The following DZIP3 variants were observed in gnomAD, a reference collection of about 807,000 sequenced individuals.
DZIP3 encodes the protein DAZ interacting zinc finger protein 3.
A neutral mutation model predicts 162.0 loss-of-function variants in DZIP3; 118 were observed. The ratio of observed to expected loss-of-function variants is 0.73; its 90% CI spans 0.63 to 0.85. The LOEUF is 0.85. Ranked by LOEUF, DZIP3 falls within the 40% of genes least tolerant of loss-of-function variation. The pLI is 0.00. For missense variants in DZIP3, 1,331 were observed against 1,407.0 expected, an observed-to-expected ratio of 0.95 and a Z score of 0.86; for synonymous variants, 438 against 458.6, an observed-to-expected ratio of 0.96 and a Z score of 0.57.
chr3:108,673,697 A>G (rs1369829586), intron 23 of DZIP3, among the ~76,000 whole-genome samples: 1 of 151,974 alleles, frequency 6.6e-6, no homozygotes, highest in Non-Finnish European at 1.5e-5. Context: ...AGTGTTCTCA[A>G]ACTTTACTGC....
At chr3:108,659,320 A>C (rs568425543) in intron 19 of DZIP3, among the ~76,000 whole-genome samples, 115 of 152,334 alleles carry the variant, frequency 7.5e-4, no homozygotes, top group African/African-American at 2.6e-3. Flanking sequence ...CATCACTGGG[A>C]TGCAAGGCTG....
At chr3:108,612,306 A>T (rs528243687) in intron 4 of DZIP3, among the ~76,000 whole-genome samples, 1 of 152,324 alleles carries the variant, frequency 6.6e-6, no homozygotes, top group Admixed American at 6.5e-5. Context: ...TATTATGATT[A>T]AAAATTCCAA....
At chr3:108,629,818 T>A (rs1258585558) in intron 8 of DZIP3, among the ~76,000 whole-genome samples, 1 of 151,212 alleles carries the variant, frequency 6.6e-6, no homozygotes, top group Non-Finnish European at 1.5e-5. Context: ...TATATATATA[T>A]AAATATATAG....
At position 108,677,576 on chromosome 3, in the gene DZIP3, C is replaced by T. The variant is rs1218705549; in HGVS notation, c.2861C>T (p.Pro954Leu). Residue 954 changes from proline to leucine, a missense_variant, in exon 26 of 33, where the codon CCA (proline) becomes CTA (leucine). By Grantham distance (98) the Pro-to-Leu change is moderately conservative. Around this residue, in one of 2 missense-constraint regions of DZIP3, gnomAD observed 1,278 missense variants for 1,317.1 expected, o/e 0.97. Coordinates refer to ENST00000361582, the MANE Select transcript of DZIP3 (RefSeq NM_014648.4). ...STLPPVQLPP[P>L]PPSPEILMQQ... Reference sequence around the variant, plus strand: ...TTGCCTCCAGTCCAGCTTCCTCCTCCACCACCCAGTCCTGAGATACTGGTA... The same window carrying T: ...TTGCCTCCAGTCCAGCTTCCTCCTCTACCACCCAGTCCTGAGATACTGGTA... The T allele has an allele frequency of 1.2e-6, 2 of 1,612,478 alleles. No homozygotes were observed. The highest frequency in any genetic ancestry group is 2.2e-5 in the East Asian group (1 of 44,824).
At chr3:108,600,451 A>T (rs1326490926) in intron 1 of DZIP3, among the ~76,000 whole-genome samples, 6 of 152,174 alleles carry the variant, frequency 3.9e-5, no homozygotes, top group Admixed American at 3.9e-4. Flanking sequence ...TTAAAGACTA[A>T]AGTAGATGTA....
chr3:108,611,477 T>C (rs935141176), intron 4 of DZIP3, 148 bp downstream of exon 4: 1 of 957,238 alleles, frequency 1.0e-6, no homozygotes, highest in Non-Finnish European at 1.5e-6. Context: ...GTTGTCAACC[T>C]TGACTGTAGA....
At chr3:108,687,479 A>C (rs1436101677) in intron 28 of DZIP3, among the ~76,000 whole-genome samples, 1 of 152,132 alleles carries the variant, frequency 6.6e-6, no homozygotes, top group Non-Finnish European at 1.5e-5. Context: ...TTATATAATT[A>C]ATGTGATTTT....
chr3:108,628,007 T>C (rs893965916), intron 7 of DZIP3, among the ~76,000 whole-genome samples: 5 of 152,130 alleles, frequency 3.3e-5, no homozygotes, highest in African/African-American at 1.2e-4. Context: ...GCCTCCCAAG[T>C]AGCTGGGATT....
At chr3:108,597,816 T>G (rs1017240172) in intron 1 of DZIP3, among the ~76,000 whole-genome samples, 1 of 152,250 alleles carries the variant, frequency 6.6e-6, no homozygotes, top group Non-Finnish European at 1.5e-5. Flanking sequence ...TATGCCTGCA[T>G]ATAATTTATA....
intron 5 of DZIP3, among the ~76,000 whole-genome samples, chr3:108,620,633 T>A (rs1246797326): frequency 6.6e-6 from 1 of 152,214 alleles, no homozygotes; most frequent in Non-Finnish European, 1.5e-5. Context: ...TCTCTCCCTC[T>A]ACAATTCACT....
intron 8 of DZIP3, among the ~76,000 whole-genome samples, chr3:108,631,845 G>GT (rs1179946083): frequency 6.6e-6 from 1 of 151,302 alleles, no homozygotes; most frequent in African/African-American, 2.4e-5. Flanking sequence ...CTGAACTTGT[G>GT]TTTTTTGCTT....
At chr3:108,590,699 A>C (rs573882294) in intron 1 of DZIP3, among the ~76,000 whole-genome samples, 3 of 152,352 alleles carry the variant, frequency 2.0e-5, no homozygotes, top group African/African-American at 7.2e-5. Context: ...CCATGCAGTA[A>C]CATGCAGCAG....
intron 12 of DZIP3, among the ~76,000 whole-genome samples, chr3:108,637,769 C>A (rs1942224992): frequency 6.6e-6 from 1 of 152,198 alleles, no homozygotes; most frequent in Middle Eastern, 3.4e-3. Flanking sequence ...AATACTTTCC[C>A]ATTAAATATG....
At chr3:108,642,407 C>T (rs959953049) in intron 12 of DZIP3, 31 bp from the exon 13 acceptor site, 4 of 1,454,754 alleles carry the variant, frequency 2.7e-6, no homozygotes, top group Non-Finnish European at 2.8e-6. Flanking sequence ...TATTTTATTT[C>T]CACTATAACT....
chr3:108,644,031 G>T, intron 13 of DZIP3, 133 bp from the exon 14 acceptor site: 1 of 1,124,154 alleles, frequency 8.9e-7, no homozygotes. Flanking sequence ...ACTGGCTGTG[G>T]CAAAGCACTG....
rs201141252 is a variant in DZIP3 at position 108,654,136 on chromosome 3, C to T, written c.2034-9C>T. 940 of 1,611,572 alleles carry T rather than the reference C, an allele frequency of 5.8e-4. 11 individuals are homozygous for T. The South Asian group carries it at 9.3e-3, about 16-fold the overall frequency. On this transcript the variant is annotated splice_polypyrimidine_tract_variant and intron_variant, in intron 18 of 32. Coordinates refer to ENST00000361582, the MANE Select transcript of DZIP3 (RefSeq NM_014648.4). Reference sequence around the variant, plus strand: ...GTAAAAGCTCACATTGATTATGTCACGACTACAGCCCATATGTGGTAGAAA... The same window carrying T: ...GTAAAAGCTCACATTGATTATGTCATGACTACAGCCCATATGTGGTAGAAA...
chr3:108,659,853 CAGAG>C (rs1265550826), intron 19 of DZIP3, among the ~76,000 whole-genome samples: 6 of 152,056 alleles, frequency 3.9e-5, no homozygotes, highest in Admixed American at 2.0e-4. Flanking sequence ...AACAGACAAA[CAGAG>C]AGCCAAATCA....
intron 5 of DZIP3, among the ~76,000 whole-genome samples, chr3:108,617,574 C>T (rs1941087099): frequency 6.6e-6 from 1 of 152,010 alleles, no homozygotes; most frequent in Non-Finnish European, 1.5e-5. Context: ...AAAAGGACTA[C>T]CCAGACACCA....
chr3:108,662,330 A>G lies in DZIP3; in HGVS notation c.2423+73A>G, dbSNP rs762378123. Reference sequence around the variant, plus strand: ...AGTATCTTTAATAGTTAATCTCTGCATAACCACTAGGTGGCACTGTGACTA... The same window carrying G: ...AGTATCTTTAATAGTTAATCTCTGCGTAACCACTAGGTGGCACTGTGACTA... On this transcript the variant is annotated intron_variant, in intron 21 of 32. Coordinates refer to ENST00000361582, the MANE Select transcript of DZIP3 (RefSeq NM_014648.4). 23 of 1,490,982 alleles carry G rather than the reference A, an allele frequency of 1.5e-5. 1 individual carries two copies. Among genetic ancestry groups the G allele is most frequent in the South Asian group, 2.9e-5 (2 of 69,354 alleles). 92.4% of individuals were successfully genotyped at this position (1,490,982 alleles called of 1,614,324 possible). A position where few individuals can be genotyped will look rare whatever the true frequency, so the allele number is the denominator to read the frequency against.
Sources: allele counts gnomAD v4.1 joint callset (sites outside exome capture counted in the v4.1 genomes callset), GRCh38; gene constraint gnomAD v4.1.1; regional missense constraint gnomAD v4.1.1; transcripts MANE v1.5; gene names NCBI Gene and HGNC (gene_info 2026-07-23, HGNC 2026-07-21).